CHD6: variants seen among roughly 807,000 people sequenced by gnomAD.
The protein encoded by CHD6 is chromodomain helicase DNA binding protein 6.
A neutral mutation model predicts 276.9 loss-of-function variants in CHD6; 50 were observed. That is an observed-to-expected ratio of 0.18 (90% CI 0.14 to 0.23). The LOEUF is 0.23. CHD6 is among the 10% of genes least tolerant of loss of function. The pLI is 1.00. For synonymous variants in CHD6, 1,173 were observed against 1,229.3 expected (o/e 0.95, Z 0.96); for missense variants, 2,564 against 3,365.8 (o/e 0.76, Z 5.89).
intron 1 of CHD6, among the ~76,000 whole-genome samples, chr20:41,578,572 C>T (rs1312025623): frequency 3.3e-5 from 5 of 151,374 alleles, no homozygotes; most frequent in Admixed American, 6.6e-5. Flanking sequence ...CCCAGCTACT[C>T]GGGAGGCTGA....
At chr20:41,602,171 A>C (rs563850042) in intron 1 of CHD6, among the ~76,000 whole-genome samples, 10 of 152,350 alleles carry the variant, frequency 6.6e-5, no homozygotes, top group African/African-American at 2.4e-4. Flanking sequence ...ATGTCCCTAC[A>C]GTCACTCTCT....
In CHD6 at chr20:41,498,202, C is replaced by T. The variant is rs778100164; in HGVS notation, c.940G>A (p.Asp314Asn). The T allele has an allele frequency of 3.0e-5, 49 of 1,611,528 alleles. No individual in the cohort carries two copies. Among genetic ancestry groups the T allele is most frequent in the Middle Eastern group, 1.6e-4 (1 of 6,074 alleles). ...TACTTAACGTAGAACAGCTCCAAGT[C>T]GAACGGAGGTTCTCCTGGGTGAACC... is the stretch of plus-strand genomic sequence containing the variant. ...QEVHPGEPPF[D>N]LELFYVKYRN... The change falls in exon 7 of 37, where the codon GAC (aspartate) becomes AAC (asparagine). Residue 314 changes from aspartate to asparagine, a missense_variant. By Grantham distance (23) the Asp-to-Asn change is conservative (BLOSUM62 1). Coordinates refer to ENST00000373233, the MANE Select transcript of CHD6 (RefSeq NM_032221.5).
chr20:41,410,738 G>A (rs1444518587), intron 36 of CHD6, among the ~76,000 whole-genome samples: 1 of 152,158 alleles, frequency 6.6e-6, no homozygotes, highest in Non-Finnish European at 1.5e-5. Context: ...TCTGTAGGGA[G>A]GGATGAACAC....
At chr20:41,511,497 A>C (rs2044117891) in intron 5 of CHD6, among the ~76,000 whole-genome samples, 1 of 152,082 alleles carries the variant, frequency 6.6e-6, no homozygotes, top group African/African-American at 2.4e-5. Flanking sequence ...CTTCCTTGAC[A>C]CTGCTGTCAA....
intron 2 of CHD6, 150 bp from the exon 3 acceptor site, chr20:41,533,720 A>C (rs962380264): frequency 1.8e-5 from 13 of 714,536 alleles, no homozygotes; most frequent in Admixed American, 5.9e-5. Flanking sequence ...CCTTGGAGAC[A>C]GAGTGGCAAA....
At chr20:41,549,694 T>C (rs1271041577) in intron 2 of CHD6, among the ~76,000 whole-genome samples, 4 of 151,814 alleles carry the variant, frequency 2.6e-5, no homozygotes, top group Admixed American at 1.3e-4. Context: ...AAAAAAAAGC[T>C]TATCTTAAAG....
chr20:41,422,090 A>G lies in CHD6; in HGVS notation c.4556-11T>C. 1 of 1,592,506 alleles carries G rather than the reference A, an allele frequency of 6.3e-7. No homozygotes were observed. Among genetic ancestry groups the G allele is most frequent in the Non-Finnish European group, 8.6e-7 (1 of 1,167,382 alleles). ...TGGTATCTGGGGGACCTGGAGAGAA[A>G]GGGAAATAAAGCCTATCACTGAAGG... is the stretch of plus-strand genomic sequence containing the variant. On this transcript the variant is annotated splice_polypyrimidine_tract_variant and intron_variant, in intron 30 of 36. Coordinates refer to ENST00000373233, the MANE Select transcript of CHD6 (RefSeq NM_032221.5).
rs559759327 is a variant in CHD6 at position 41,581,974 on chromosome 20, C to A, written c.-23-30614G>T. Among the ~76,000 whole-genome samples the A allele has an allele frequency of 2.0e-5, 3 of 152,288 alleles. No homozygotes were observed. The South Asian group carries it at 6.2e-4, about 32-fold the overall frequency. ...TATAAAAGCAACTTCCTCACAAATTCATCCATGGCCAGCCCTCACTTCTTA... is the reference window on the plus strand; with the variant it reads ...TATAAAAGCAACTTCCTCACAAATTAATCCATGGCCAGCCCTCACTTCTTA... On this transcript the variant is annotated intron_variant, in intron 1 of 36. Transcript: ENST00000373233.
intron 1 of CHD6, among the ~76,000 whole-genome samples, chr20:41,578,485 T>C (rs1002121890): frequency 6.6e-6 from 1 of 152,048 alleles, no homozygotes; most frequent in African/African-American, 2.4e-5. Flanking sequence ...AATAGTGAAA[T>C]AATTATTTAG....
chr20:41,498,017 T>TA, intron 7 of CHD6, 151 bp downstream of exon 7: 1 of 612,638 alleles, frequency 1.6e-6, no homozygotes, highest in Admixed American at 3.2e-5. Flanking sequence ...AATTGAGCGT[T>TA]ACTGCCTAAG....
At position 41,439,987 on chromosome 20, in the gene CHD6, C is replaced by G; in HGVS notation, c.4007+13G>C. 6.2e-7 allele frequency: 1 copy of G among 1,613,350 alleles called. No individual in the cohort carries two copies. The highest frequency in any genetic ancestry group is 8.5e-7 in the Non-Finnish European group (1 of 1,179,614). ...GGCATGTCACATGAGGGCTGGCCTA[C>G]GTGGCTTCTCACCTTTCAGGAATGT... On this transcript the variant is annotated intron_variant, in intron 26 of 36. Transcript: ENST00000373233.
intron 30 of CHD6, among the ~76,000 whole-genome samples, chr20:41,422,807 C>T (rs2047238537): frequency 6.6e-6 from 1 of 152,214 alleles, no homozygotes; most frequent in Non-Finnish European, 1.5e-5. Context: ...ATATTCAGCT[C>T]CCTGGCTTGG....
intron 32 of CHD6, 94 bp from the exon 33 acceptor site, chr20:41,416,888 G>T: frequency 9.2e-7 from 1 of 1,081,926 alleles, no homozygotes; most frequent in Non-Finnish European, 1.3e-6. Context: ...TCACCAGAAG[G>T]AGTCGATAAG....
intron 1 of CHD6, among the ~76,000 whole-genome samples, chr20:41,590,779 A>C (rs2045648858): frequency 6.6e-6 from 1 of 152,006 alleles, no homozygotes; most frequent in African/African-American, 2.4e-5. Context: ...AAACTGGTTC[A>C]ACCATTGCGG....
intron 25 of CHD6, among the ~76,000 whole-genome samples, chr20:41,443,879 T>C (rs2145617643): frequency 6.6e-6 from 1 of 152,350 alleles, no homozygotes; most frequent in South Asian, 2.1e-4. Context: ...GGACTTCCCT[T>C]ATTTCTTCCA....
intron 36 of CHD6, among the ~76,000 whole-genome samples, chr20:41,408,116 T>G (rs2046734716): frequency 6.6e-6 from 1 of 151,690 alleles, no homozygotes; most frequent in Admixed American, 6.6e-5. Context: ...AAAAGCTTCA[T>G]GATGGCAACT....
intron 11 of CHD6, 144 bp from the exon 12 acceptor site, chr20:41,490,165 GTTATTA>G: frequency 1.3e-6 from 1 of 753,008 alleles, no homozygotes; most frequent in East Asian, 2.5e-5. Context: ...ACTGAGGTTA[GTTATTA>G]TTATTATTCC....
chr20:41,457,031 C>T (rs890488190), intron 18 of CHD6, among the ~76,000 whole-genome samples: 1 of 152,170 alleles, frequency 6.6e-6, no homozygotes, highest in African/African-American at 2.4e-5. Flanking sequence ...AAATGTTACA[C>T]CAAGCTGGGC....
At chr20:41,548,401 A>T (rs1325150979) in intron 2 of CHD6, among the ~76,000 whole-genome samples, 1 of 152,234 alleles carries the variant, frequency 6.6e-6, no homozygotes, top group African/African-American at 2.4e-5. Context: ...GTAAAATCTC[A>T]CAAGAAACCA....
Sources: allele counts gnomAD v4.1 joint callset (sites outside exome capture counted in the v4.1 genomes callset), GRCh38; gene constraint gnomAD v4.1.1; transcripts MANE v1.5; gene names NCBI Gene and HGNC (gene_info 2026-07-23, HGNC 2026-07-21).